Variants in SLC35F1 observed in about 807,000 individuals in gnomAD.
SLC35F1 encodes chromosome 6 open reading frame 169.
A neutral mutation model predicts 48.7 loss-of-function variants in SLC35F1; 14 were observed. That is an observed-to-expected ratio of 0.29 (90% confidence interval 0.19 to 0.45). The LOEUF is 0.45. Ranked by LOEUF, SLC35F1 falls within the 20% of genes least tolerant of loss-of-function variation. The pLI is 1.00. For synonymous variants in SLC35F1, 190 were observed against 202.2 expected, an observed-to-expected ratio of 0.94 and a Z score of 0.51; for missense variants, 404 against 500.0, an observed-to-expected ratio of 0.81 and a Z score of 1.83.
intron 6 of SLC35F1, among the ~76,000 whole-genome samples, chr6:118,279,282 A>C (rs1775953544): frequency 6.6e-6 from 1 of 152,238 alleles, no homozygotes. Context: ...ATAAATATGT[A>C]CAATTATTAT....
At chr6:117,999,478 C>G in intron 1 of SLC35F1, 1 of 1,512,340 alleles carries the variant, frequency 6.6e-7, no homozygotes. Context: ...GACAGAAGGA[C>G]TGGTGCGACC....
At chr6:118,256,434 C>A (rs1418527469) in intron 3 of SLC35F1, among the ~76,000 whole-genome samples, 1 of 152,034 alleles carries the variant, frequency 6.6e-6, no homozygotes, top group Non-Finnish European at 1.5e-5. Context: ...CAGGTTTAGC[C>A]TCTGACAGCT....
intron 1 of SLC35F1, among the ~76,000 whole-genome samples, chr6:118,035,609 C>T (rs1440498426): frequency 1.4e-4 from 20 of 140,744 alleles, no homozygotes; most frequent in Non-Finnish European, 2.0e-4. Context: ...AGTGAAACTC[C>T]GTCTCACAAA....
intron 1 of SLC35F1, among the ~76,000 whole-genome samples, chr6:117,998,709 G>A (rs12199369): frequency 0.24 from 36,181 of 151,990 alleles, 4,434 homozygotes; most frequent in East Asian, 0.3. Context: ...CAGAAATAAA[G>A]ATGTTCTTTG....
At chr6:118,266,371 T>A (rs182578406) in intron 3 of SLC35F1, among the ~76,000 whole-genome samples, 5 of 150,610 alleles carry the variant, frequency 3.3e-5, no homozygotes, top group African/African-American at 1.0e-4. Context: ...CTTTAAAAAA[T>A]TTTTTTTCTA....
chr6:118,295,455 G>T (rs1776172878), intron 7 of SLC35F1, among the ~76,000 whole-genome samples: 1 of 152,122 alleles, frequency 6.6e-6, no homozygotes, highest in Non-Finnish European at 1.5e-5. Context: ...GAGTCCCAAT[G>T]CCAGAGAGTT....
rs568188434 is a variant in SLC35F1, at chr6:118,292,777, G to A, written c.1002+7439G>A. Among the ~76,000 whole-genome samples, 25 of 151,298 alleles carry A rather than the reference G, an allele frequency of 1.7e-4. No individual in the cohort carries two copies. The South Asian group carries it at 3.8e-3, about 23-fold the overall frequency. ...TGTCTGCAACAGCTCTGCCTCTTGCGCTGACTGCTGTGCTGACTGGACAGT... is the reference window on the plus strand; with the variant it reads ...TGTCTGCAACAGCTCTGCCTCTTGCACTGACTGCTGTGCTGACTGGACAGT... On this transcript the variant is annotated intron_variant, in intron 7 of 7. Transcript: ENST00000360388.
rs918141584 is a variant in SLC35F1, at chr6:118,082,870, T to C, written c.174-71575T>C. Among the ~76,000 whole-genome samples, 5 of 152,300 alleles carry C rather than the reference T, an allele frequency of 3.3e-5. No homozygotes were observed. The Middle Eastern group carries it at 0.01, about 311-fold the overall frequency. ...TTTGATTGGCCTTGCCTGAATCACC[T>C]GCTCATCCCTGAAGTTGTCACAATG... On this transcript the variant is annotated intron_variant, in intron 1 of 7. Coordinates refer to ENST00000360388, the MANE Select transcript of SLC35F1 (RefSeq NM_001029858.4).
chr6:117,976,692 T>A (rs1260255618), intron 1 of SLC35F1, among the ~76,000 whole-genome samples: 1 of 152,182 alleles, frequency 6.6e-6, no homozygotes, highest in Non-Finnish European at 1.5e-5. Flanking sequence ...AAAAGTTCTT[T>A]AGCTAAATCT....
chr6:118,078,542 TA>T (rs1400514371), intron 1 of SLC35F1, among the ~76,000 whole-genome samples: 1 of 152,130 alleles, frequency 6.6e-6, no homozygotes, highest in Non-Finnish European at 1.5e-5. Context: ...AAAAATAAAA[TA>T]AAAAATTTAT....
chr6:118,161,870 C>A (rs181940851), intron 2 of SLC35F1, among the ~76,000 whole-genome samples: 1 of 152,206 alleles, frequency 6.6e-6, no homozygotes, highest in South Asian at 2.1e-4. Flanking sequence ...CCACTTCTAG[C>A]AAAACTTCCT....
intron 1 of SLC35F1, among the ~76,000 whole-genome samples, chr6:118,034,812 G>A (rs1772104175): frequency 6.6e-6 from 1 of 151,908 alleles, no homozygotes; most frequent in South Asian, 2.1e-4. Flanking sequence ...TAGTAATAGG[G>A]CTCTGCTTCC....
At chr6:118,066,027 A>G (rs1368137245) in intron 1 of SLC35F1, among the ~76,000 whole-genome samples, 1 of 152,218 alleles carries the variant, frequency 6.6e-6, no homozygotes, top group Non-Finnish European at 1.5e-5. Flanking sequence ...GGTGCTTGTT[A>G]AATATTAAGA....
intron 1 of SLC35F1, among the ~76,000 whole-genome samples, chr6:118,115,108 G>A (rs1455596817): frequency 6.6e-6 from 1 of 152,170 alleles, no homozygotes; most frequent in Admixed American, 6.5e-5. Flanking sequence ...CTTGTGGCTG[G>A]TCCAGCAGAG....
intron 1 of SLC35F1, among the ~76,000 whole-genome samples, chr6:118,012,144 G>A (rs1432833703): frequency 6.6e-6 from 1 of 151,970 alleles, no homozygotes; most frequent in Non-Finnish European, 1.5e-5. Context: ...TGGAGAGAAG[G>A]AAAAAGCAGG....
chr6:118,197,662 A>T (rs76557789), intron 2 of SLC35F1, among the ~76,000 whole-genome samples: 2,786 of 151,834 alleles, frequency 0.018, 87 homozygotes, highest in African/African-American at 0.063. Context: ...CCCAAATTGT[A>T]CTCAGTCCTT....
At chr6:118,222,771 A>T (rs1219678859) in intron 2 of SLC35F1, among the ~76,000 whole-genome samples, 1 of 152,114 alleles carries the variant, frequency 6.6e-6, no homozygotes, top group Non-Finnish European at 1.5e-5. Flanking sequence ...TTGCATCTTA[A>T]TCCATTTCAC....
rs561935634 is a variant in SLC35F1, at chr6:117,965,139, T to C, written c.173+57240T>C. Among the ~76,000 whole-genome samples the C allele has an allele frequency of 5.9e-5, 9 of 152,238 alleles. No individual in the cohort carries two copies. The East Asian group carries it at 1.7e-3, about 29-fold the overall frequency. On this transcript the variant is annotated intron_variant, in intron 1 of 7. Coordinates refer to ENST00000360388, the MANE Select transcript of SLC35F1 (RefSeq NM_001029858.4). ...GAAAGGAACTCAGATAAGACAAATA[T>C]AATTTTCCTGAGTTTCTAAGAGGGT...
At chr6:117,921,601 G>A (rs1417738871) in intron 1 of SLC35F1, among the ~76,000 whole-genome samples, 2 of 152,280 alleles carry the variant, frequency 1.3e-5, no homozygotes, top group East Asian at 3.9e-4. Flanking sequence ...TAGTGAAAGC[G>A]GGGTGCTTTC....
Sources: allele counts gnomAD v4.1 joint callset (sites outside exome capture counted in the v4.1 genomes callset), GRCh38; gene constraint gnomAD v4.1.1; transcripts MANE v1.5; gene names NCBI Gene and HGNC (gene_info 2026-07-23, HGNC 2026-07-21).